ZNF385B: variants seen among roughly 807,000 people sequenced by gnomAD.
ZNF385B encodes the protein zinc finger protein 385B.
Under a neutral mutation model 39.2 loss-of-function variants are expected in ZNF385B, and 23 were observed. That is an observed-to-expected ratio of 0.59 (90% CI 0.42 to 0.83). ZNF385B has a LOEUF of 0.83. ZNF385B is among the 40% of genes least tolerant of loss of function. ZNF385B has a pLI of 0.00. For missense variants in ZNF385B, 552 were observed against 598.9 expected (o/e 0.92, Z 0.82); for synonymous variants, 205 against 222.6 (o/e 0.92, Z 0.70).
At chr2:179,746,099 A>G in intron 3 of ZNF385B, 1 of 938,902 alleles carries the variant, frequency 1.1e-6, no homozygotes, top group South Asian at 5.0e-5. Flanking sequence ...CTAAGCCTTC[A>G]TTATCAATGC....
At chr2:179,558,821 G>T (rs567015613) in intron 3 of ZNF385B, among the ~76,000 whole-genome samples, 3 of 152,130 alleles carry the variant, frequency 2.0e-5, no homozygotes, top group African/African-American at 7.2e-5. Context: ...ACCCAGGAGC[G>T]GCAGAGATGG....
intron 6 of ZNF385B, among the ~76,000 whole-genome samples, chr2:179,467,486 G>A (rs942752390): frequency 2.6e-5 from 4 of 152,150 alleles, no homozygotes; most frequent in Non-Finnish European, 4.4e-5. Flanking sequence ...TAAGTCATAA[G>A]CCCAGAAATA....
chr2:179,715,343 A>G (rs1475885103), intron 3 of ZNF385B, among the ~76,000 whole-genome samples: 1 of 152,182 alleles, frequency 6.6e-6, no homozygotes, highest in Non-Finnish European at 1.5e-5. Context: ...CTGATTTCTT[A>G]ACTTCCAGAT....
At chr2:179,635,962 C>A (rs1467457573) in intron 3 of ZNF385B, among the ~76,000 whole-genome samples, 3 of 152,066 alleles carry the variant, frequency 2.0e-5, no homozygotes, top group Non-Finnish European at 4.4e-5. Flanking sequence ...TATTTAAAAT[C>A]ATATAAAGTT....
At chr2:179,574,387 GCAAA>G (rs1320225535) in intron 3 of ZNF385B, among the ~76,000 whole-genome samples, 1 of 152,136 alleles carries the variant, frequency 6.6e-6, no homozygotes, top group African/African-American at 2.4e-5. Flanking sequence ...AGGAGCCAGT[GCAAA>G]CAACAAAGTA....
At chr2:179,774,001 T>G (rs1365604677) in intron 1 of ZNF385B, among the ~76,000 whole-genome samples, 1 of 152,018 alleles carries the variant, frequency 6.6e-6, no homozygotes, top group Non-Finnish European at 1.5e-5. Context: ...GAGTGTGATG[T>G]GTGTGTATAT....
At chr2:179,724,550 G>A (rs1002852840) in intron 3 of ZNF385B, among the ~76,000 whole-genome samples, 2 of 152,120 alleles carry the variant, frequency 1.3e-5, no homozygotes, top group African/African-American at 2.4e-5. Context: ...TCACTAAAAT[G>A]TTAGAAAATA....
At chr2:179,795,629 A>AT (rs147150906) in intron 1 of ZNF385B, among the ~76,000 whole-genome samples, 2,822 of 151,750 alleles carry the variant, frequency 0.019, 88 homozygotes, top group African/African-American at 0.062. Flanking sequence ...ATTCTCTTAC[A>AT]TTTTTTTTTC....
intron 6 of ZNF385B, among the ~76,000 whole-genome samples, chr2:179,478,767 T>C (rs1410452357): frequency 2.0e-5 from 3 of 152,196 alleles, no homozygotes; most frequent in Non-Finnish European, 4.4e-5. Context: ...TTGACTCTCA[T>C]AACATTTTAT....
chr2:179,526,349 G>C (rs576765578), intron 4 of ZNF385B, among the ~76,000 whole-genome samples: 1 of 152,134 alleles, frequency 6.6e-6, no homozygotes, highest in South Asian at 2.1e-4. Context: ...CAGCACTTTG[G>C]GATGTTGAGG....
chr2:179,854,477 AG>A (rs1267408845), intron 1 of ZNF385B, among the ~76,000 whole-genome samples: 2 of 151,862 alleles, frequency 1.3e-5, no homozygotes, highest in Non-Finnish European at 2.9e-5. Context: ...AAAAAAAAAA[AG>A]GCAAAAACTG....
chr2:179,563,971 G>A (rs1684247997), intron 3 of ZNF385B, among the ~76,000 whole-genome samples: 1 of 152,064 alleles, frequency 6.6e-6, no homozygotes, highest in Non-Finnish European at 1.5e-5. Context: ...ACATTTCCCG[G>A]TCTGGAATAC....
chr2:179,822,973 T>C (rs979801534), intron 1 of ZNF385B, among the ~76,000 whole-genome samples: 2 of 152,180 alleles, frequency 1.3e-5, no homozygotes, highest in Non-Finnish European at 2.9e-5. Context: ...AAAGCAGATT[T>C]CAGGCTTTGT....
intron 6 of ZNF385B, among the ~76,000 whole-genome samples, chr2:179,474,664 A>G (rs562359194): frequency 2.0e-4 from 30 of 152,312 alleles, no homozygotes; most frequent in South Asian, 2.1e-4. Context: ...TTTTTTGCAT[A>G]TAAGTCTAAC....
chr2:179,776,901 G>A (rs940460803), intron 1 of ZNF385B, among the ~76,000 whole-genome samples: 1 of 152,094 alleles, frequency 6.6e-6, no homozygotes, highest in Non-Finnish European at 1.5e-5. Context: ...TTACCTAAAT[G>A]TAAAGAAGAT....
intron 3 of ZNF385B, among the ~76,000 whole-genome samples, chr2:179,627,096 T>G (rs1690728460): frequency 6.6e-6 from 1 of 152,174 alleles, no homozygotes; most frequent in East Asian, 1.9e-4. Context: ...CTAGCTGCAA[T>G]CATATCACAT....
intron 3 of ZNF385B, among the ~76,000 whole-genome samples, chr2:179,563,581 T>G (rs1345489224): frequency 6.6e-6 from 1 of 152,126 alleles, no homozygotes; most frequent in Non-Finnish European, 1.5e-5. Flanking sequence ...TAAACCTAAG[T>G]GAATAATTAG....
intron 3 of ZNF385B, among the ~76,000 whole-genome samples, chr2:179,703,646 A>G (rs1296058524): frequency 6.6e-6 from 1 of 152,230 alleles, no homozygotes; most frequent in Non-Finnish European, 1.5e-5. Context: ...TCTATAATAA[A>G]AAAGACAGTA....
chr2:179,625,185 T>C (rs1023451696), intron 3 of ZNF385B, among the ~76,000 whole-genome samples: 2 of 152,158 alleles, frequency 1.3e-5, no homozygotes, highest in African/African-American at 4.8e-5. Flanking sequence ...TTTTTGGCCA[T>C]GTATACAATG....
Sources: allele counts gnomAD v4.1 joint callset (sites outside exome capture counted in the v4.1 genomes callset), GRCh38; gene constraint gnomAD v4.1.1; transcripts MANE v1.5; gene names NCBI Gene and HGNC (gene_info 2026-07-23, HGNC 2026-07-21).